The following MYO5B variants were observed in gnomAD, a reference collection of about 807,000 sequenced individuals.
The protein encoded by MYO5B is myosin VB, also known as unconventional myosin-Vb.
In MYO5B, 143 loss-of-function variants were observed where a neutral mutation model predicts 229.3. The observed-to-expected ratio is 0.62, with a 90% CI of 0.54 to 0.72. MYO5B has a LOEUF of 0.72. MYO5B is among the 30% of genes least tolerant of loss of function. MYO5B has a pLI of 0.00. For synonymous variants in MYO5B, 918 were observed against 885.2 expected (o/e 1.04, Z -0.66); for missense variants, 2,321 against 2,331.0 (o/e 1.00, Z 0.09).
chr18:49,856,917 G>A (rs1253787235), intron 29 of MYO5B, 27 bp from the exon 30 acceptor site: 1 of 1,577,578 alleles, frequency 6.3e-7, no homozygotes, highest in East Asian at 2.2e-5. Context: ...GAAAAACAGG[G>A]TGTCCAGTGT....
chr18:50,185,137 C>A (rs2033129908), intron 1 of MYO5B, among the ~76,000 whole-genome samples: 1 of 151,792 alleles, frequency 6.6e-6, no homozygotes, highest in African/African-American at 2.4e-5. Flanking sequence ...ATAAATAATG[C>A]CAGTTAATAC....
intron 9 of MYO5B, among the ~76,000 whole-genome samples, chr18:49,975,789 C>T (rs2025743870): frequency 6.6e-6 from 1 of 152,146 alleles, no homozygotes; most frequent in African/African-American, 2.4e-5. Context: ...CCCCGCCCCA[C>T]CCCCAGCACA....
chr18:49,986,902 C>T (rs8088022), intron 7 of MYO5B, among the ~76,000 whole-genome samples: 1,835 of 152,252 alleles, frequency 0.012, 39 homozygotes, highest in African/African-American at 0.042. Context: ...CTTGATTACC[C>T]TATTGTAGAA....
At chr18:49,977,968 A>G (rs2025770374) in intron 9 of MYO5B, among the ~76,000 whole-genome samples, 2 of 152,240 alleles carry the variant, frequency 1.3e-5, no homozygotes, top group East Asian at 3.8e-4. Flanking sequence ...AAGAATCAGG[A>G]TATGAACCTT....
rs549378627 is a variant in MYO5B at position 50,092,919 on chromosome 18, GAC to G, written c.28-37543_28-37542del. On this transcript the variant is annotated intron_variant, in intron 1 of 39. Transcript: ENST00000285039. ...TCAGAATACATAAAGGAAAATGACT[GAC>G]AGATTTGACAGCATGCATTCTCTTT... 1.8e-4 allele frequency among the ~76,000 whole-genome samples: 27 copies of G among 152,220 alleles called. No individual in the cohort carries two copies. The South Asian group carries it at 5.6e-3, about 32-fold the overall frequency.
chr18:49,977,106 C>G (rs1241111007), intron 9 of MYO5B, among the ~76,000 whole-genome samples: 5 of 152,036 alleles, frequency 3.3e-5, no homozygotes, highest in Non-Finnish European at 5.9e-5. Context: ...TCTGAGAAAC[C>G]ACCCTGGGGA....
intron 22 of MYO5B, among the ~76,000 whole-genome samples, chr18:49,886,068 T>C (rs2024638836): frequency 6.6e-6 from 1 of 152,036 alleles, no homozygotes; most frequent in South Asian, 2.1e-4. Context: ...GCCTCCTGAG[T>C]AGCTAGGACT....
rs569933953 is a variant in MYO5B, at chr18:49,904,737, G to A, written c.2506C>T (p.Arg836Cys). 1.1e-4 allele frequency: 176 copies of A among 1,614,014 alleles called. 1 individual carries two copies. In the South Asian group the frequency reaches 1.7e-3, roughly 16 times the overall value. ...QRARQAYQRVRRAAVVIQAFT... is the reference protein window; with the variant it reads ...QRARQAYQRVCRAAVVIQAFT... The stretch of plus-strand genomic sequence containing the variant: ...GCCTGGATAACAACGGCAGCTCTGC[G>A]GACCCTCTGGTAGGCCTGGCGGGCC... Residue 836 changes from arginine to cysteine, a missense_variant, in exon 20 of 40, where the codon CGC becomes TGC. By Grantham distance (180) the Arg-to-Cys change is radical. Around this residue, in one of 2 missense-constraint regions of MYO5B, gnomAD observed 2,113 missense variants for 2,044.7 expected, o/e 1.03. Transcript: ENST00000285039.
At chr18:50,101,721 T>C (rs1179003546) in intron 1 of MYO5B, among the ~76,000 whole-genome samples, 1 of 152,130 alleles carries the variant, frequency 6.6e-6, no homozygotes, top group Non-Finnish European at 1.5e-5. Flanking sequence ...TGGTGATTAT[T>C]AAAAAGTAAA....
chr18:50,115,015 G>GCC, intron 1 of MYO5B, among the ~76,000 whole-genome samples: 1 of 152,322 alleles, frequency 6.6e-6, no homozygotes, highest in East Asian at 1.9e-4. Context: ...CAGAGACGAA[G>GCC]CCAGAGGACA....
chr18:50,016,652 G>A (rs2026218590), intron 4 of MYO5B, among the ~76,000 whole-genome samples: 1 of 152,064 alleles, frequency 6.6e-6, no homozygotes, highest in Non-Finnish European at 1.5e-5. Context: ...TATTTATGGT[G>A]ACATCTGAGA....
intron 15 of MYO5B, 22 bp downstream of exon 15, chr18:49,937,223 T>C (rs533221881): frequency 1.2e-5 from 19 of 1,613,836 alleles, no homozygotes; most frequent in African/African-American, 9.3e-5. Flanking sequence ...CCTCAGCCCA[T>C]AGCTTTTGGT....
At chr18:49,952,373 G>A (rs1239421642) in intron 14 of MYO5B, among the ~76,000 whole-genome samples, 2 of 142,826 alleles carry the variant, frequency 1.4e-5, no homozygotes, top group African/African-American at 5.3e-5. Context: ...CCTCTGCAGG[G>A]CTAAAGCCAG....
At chr18:50,071,195 A>T (rs540221736) in intron 1 of MYO5B, among the ~76,000 whole-genome samples, 2 of 152,132 alleles carry the variant, frequency 1.3e-5, no homozygotes, top group Admixed American at 6.6e-5. Flanking sequence ...TCTGCTGAAG[A>T]TATCTTCCTC....
chr18:50,036,785 G>C, intron 4 of MYO5B, 65 bp downstream of exon 4: 1 of 1,585,590 alleles, frequency 6.3e-7, no homozygotes, highest in South Asian at 1.1e-5. Context: ...TGCAGAGGAA[G>C]GTAAAAACTC....
At chr18:50,143,705 T>C (rs896816771) in intron 1 of MYO5B, among the ~76,000 whole-genome samples, 1 of 152,186 alleles carries the variant, frequency 6.6e-6, no homozygotes, top group East Asian at 1.9e-4. Context: ...GAAAAAAATA[T>C]CTTAGAGGCT....
At chr18:50,133,418 A>T (rs2032284613) in intron 1 of MYO5B, among the ~76,000 whole-genome samples, 1 of 152,246 alleles carries the variant, frequency 6.6e-6, no homozygotes, top group Non-Finnish European at 1.5e-5. Context: ...AAGTATTAAA[A>T]GAACCTTCAA....
intron 1 of MYO5B, among the ~76,000 whole-genome samples, chr18:50,057,629 T>C (rs749673004): frequency 1.4e-4 from 22 of 152,166 alleles, no homozygotes; most frequent in Non-Finnish European, 2.9e-4. Flanking sequence ...GGGGAGTTCA[T>C]GTACCTTTCT....
chr18:49,856,230 A>C (rs565133528), intron 30 of MYO5B, among the ~76,000 whole-genome samples: 1 of 152,326 alleles, frequency 6.6e-6, no homozygotes, highest in Admixed American at 6.5e-5. Context: ...TCCGGGCTTC[A>C]GTGTCCCCAC....
Sources: allele counts gnomAD v4.1 joint callset (sites outside exome capture counted in the v4.1 genomes callset), GRCh38; gene constraint gnomAD v4.1.1; regional missense constraint gnomAD v4.1.1; transcripts MANE v1.5; gene names NCBI Gene and HGNC (gene_info 2026-07-23, HGNC 2026-07-21).